Variants in TASOR observed in about 807,000 individuals in gnomAD.
TASOR encodes transcription activation suppressor.
TASOR carries 53 observed loss-of-function variants against 178.6 expected under a neutral mutation model. The ratio of observed to expected loss-of-function variants is 0.30; its 90% CI spans 0.24 to 0.37. The LOEUF (loss-of-function observed/expected upper bound fraction) is 0.37, where lower values mean the gene tolerates loss of function less well. TASOR is among the 10% of genes least tolerant of loss of function. TASOR has a pLI of 1.00. For synonymous variants in TASOR, 713 were observed against 696.2 expected (o/e 1.02, Z -0.38); for missense variants, 1,815 against 1,971.4 (o/e 0.92, Z 1.50).
intron 1 of TASOR, among the ~76,000 whole-genome samples, chr3:56,675,761 CATA>C (rs1322057729): frequency 6.6e-6 from 1 of 152,140 alleles, no homozygotes; most frequent in Non-Finnish European, 1.5e-5. Flanking sequence ...CTACTGAAAA[CATA>C]ATGTTCCACT....
Position 56,683,028 on chromosome 3 carries a change from G to C in TASOR, c.-22C>G. The C allele has an allele frequency of 1.3e-6, 2 of 1,508,436 alleles. No homozygotes were observed. Among genetic ancestry groups the C allele is most frequent in the Non-Finnish European group, 8.9e-7 (1 of 1,126,712 alleles). 93.4% of individuals were successfully genotyped at this position (1,508,436 alleles called of 1,614,324 possible). ...CCATCGCGCCGGCCTAAGGAGCTCT[G>C]GGAAGCTTCTGCCCACAAGGTCGAC... On this transcript the variant is annotated 5_prime_UTR_variant, in exon 1 of 24. Coordinates refer to ENST00000683822, the MANE Select transcript of TASOR (RefSeq NM_001365635.2).
chr3:56,677,423 T>C (rs1193879881), intron 1 of TASOR, among the ~76,000 whole-genome samples: 1 of 152,246 alleles, frequency 6.6e-6, no homozygotes, highest in African/African-American at 2.4e-5. Context: ...GCTTTACATA[T>C]ATCATCTCAA....
chr3:56,663,493 GTACT>G, intron 8 of TASOR, 44 bp downstream of exon 8: 1 of 957,400 alleles, frequency 1.0e-6, no homozygotes, highest in Non-Finnish European at 1.4e-6. Context: ...TTTGCTATAT[GTACT>G]TATTCTTTCC....
chr3:56,625,044 TC>T (rs780245446), intron 21 of TASOR, 38 bp from the exon 22 acceptor site: 2 of 1,576,486 alleles, frequency 1.3e-6, no homozygotes, highest in South Asian at 2.3e-5. Flanking sequence ...GATCTGTACT[TC>T]TAAAATTTAG....
intron 17 of TASOR, among the ~76,000 whole-genome samples, chr3:56,638,411 T>C (rs1300160970): frequency 1.3e-5 from 2 of 152,136 alleles, no homozygotes; most frequent in South Asian, 2.1e-4. Context: ...TAAAATATAC[T>C]GCACAAATGG....
chr3:56,670,436 G>A (rs1215103454), intron 3 of TASOR, among the ~76,000 whole-genome samples: 2 of 151,922 alleles, frequency 1.3e-5, no homozygotes, highest in Non-Finnish European at 2.9e-5. Context: ...GAACTCCTGG[G>A]CTCAAGTGAT....
Position 56,682,842 on chromosome 3 carries a change from A to G in TASOR, c.165T>C (p.Ala55=). The change falls in exon 1 of 24, where the codon GCT becomes GCC. Residue 55 remains alanine, a synonymous_variant. Coordinates refer to ENST00000683822, the MANE Select transcript of TASOR (RefSeq NM_001365635.2). ...GLNIAEPSGG[A]GREENAGAEA... is the part of the protein sequence containing the mutation. Reference sequence around the variant, plus strand: ...CGGCCCCCGCGTTCTCCTCACGCCCAGCGCCGCCGCTGGGCTCAGCGATGT... The same window carrying G: ...CGGCCCCCGCGTTCTCCTCACGCCCGGCGCCGCCGCTGGGCTCAGCGATGT... The G allele has an allele frequency of 6.5e-7, 1 of 1,550,238 alleles. No homozygotes were observed. Among genetic ancestry groups the G allele is most frequent in the Non-Finnish European group, 8.7e-7 (1 of 1,146,506 alleles).
chr3:56,669,756 C>T lies in TASOR; in HGVS notation c.679G>A (p.Ala227Thr), dbSNP rs1204814649. The T allele has an allele frequency of 3.9e-6, 6 of 1,548,940 alleles. No homozygotes were observed. The highest frequency in any genetic ancestry group is 5.2e-6 in the Non-Finnish European group (6 of 1,145,860). Residue 227 changes from alanine (A) to threonine (T), a missense_variant, in exon 5 of 24, where the codon GCG (alanine) becomes ACG (threonine). Ala to Thr is a moderately conservative substitution (Grantham distance 58, BLOSUM62 0). This residue lies in a region of TASOR where 504 missense variants were observed against 645.3 expected (regional missense o/e 0.78). Transcript: ENST00000683822. ...ATTGCCCCCGTGTCCAAAGGATTCG[C>T]TTGTAATAAATCAGCATACCTAGAA... ...YLSRYADLLQANPLDTGAMGD... is the reference protein window; with the variant it reads ...YLSRYADLLQTNPLDTGAMGD...
At chr3:56,673,862 A>G in intron 1 of TASOR, 137 bp from the exon 2 acceptor site, 1 of 720,050 alleles carries the variant, frequency 1.4e-6, no homozygotes. Flanking sequence ...GTGATACGCA[A>G]AAGAGATACT....
chr3:56,629,802 T>A (rs964636634), intron 18 of TASOR, among the ~76,000 whole-genome samples: 1 of 152,150 alleles, frequency 6.6e-6, no homozygotes, highest in Non-Finnish European at 1.5e-5. Context: ...TGACAACCAG[T>A]CTGCTGCTCT....
chr3:56,677,167 G>A (rs578033258), intron 1 of TASOR, among the ~76,000 whole-genome samples: 44 of 152,270 alleles, frequency 2.9e-4, no homozygotes, highest in African/African-American at 9.9e-4. Flanking sequence ...AACACTACAT[G>A]TATCTCGATC....
At chr3:56,662,629 T>C in intron 8 of TASOR, 139 bp from the exon 9 acceptor site, 1 of 515,844 alleles carries the variant, frequency 1.9e-6, no homozygotes, top group Non-Finnish European at 3.5e-6. Context: ...ACAGTGACTC[T>C]TCTACACTTC....
rs775874632 is a variant in TASOR, at chr3:56,640,054, C to T, written c.2696G>A (p.Arg899His). Residue 899 changes from arginine (R) to histidine (H), a missense_variant, in exon 16 of 24, where the codon CGT becomes CAT. Physicochemically the swap from Arg to His is conservative, Grantham distance 29 (BLOSUM62 0). Coordinates refer to ENST00000683822, the MANE Select transcript of TASOR (RefSeq NM_001365635.2). ...CPSVPIEHGFRRQQSKSNNVE... is the reference protein window; with the variant it reads ...CPSVPIEHGFHRQQSKSNNVE... The stretch of plus-strand genomic sequence containing the variant: ...ATTATTTGACTTAGACTGTTGTCTA[C>T]GAAATCCATGTTCAATGGGAACACT... 171 of 1,612,558 alleles carry T rather than the reference C, an allele frequency of 1.1e-4. No individual in the cohort carries two copies. The highest frequency in any genetic ancestry group is 1.9e-5 in the Non-Finnish European group (22 of 1,179,044).
chr3:56,682,315 C>G, intron 1 of TASOR, among the ~76,000 whole-genome samples: 1 of 147,156 alleles, frequency 6.8e-6, no homozygotes, highest in Non-Finnish European at 1.5e-5. Flanking sequence ...GGGCTATTTC[C>G]ATAGCGAGAC....
intron 17 of TASOR, among the ~76,000 whole-genome samples, chr3:56,636,341 GTGAT>G (rs2077015676): frequency 6.6e-6 from 1 of 151,714 alleles, no homozygotes; most frequent in African/African-American, 2.4e-5. Flanking sequence ...TCATCTATAA[GTGAT>G]TGAAAACACA....
At chr3:56,637,555 T>C (rs1382279230) in intron 17 of TASOR, among the ~76,000 whole-genome samples, 2 of 149,802 alleles carry the variant, frequency 1.3e-5, no homozygotes. Flanking sequence ...TGAACTTTCC[T>C]CTATGTTATA....
intron 19 of TASOR, 68 bp downstream of exon 19, chr3:56,628,424 C>A: frequency 6.5e-6 from 9 of 1,377,956 alleles, no homozygotes; most frequent in Admixed American, 6.1e-5. Flanking sequence ...ACTAGTCTGG[C>A]AGACAGTAAG....
At chr3:56,672,951 G>C (rs2030880675) in intron 2 of TASOR, among the ~76,000 whole-genome samples, 1 of 152,126 alleles carries the variant, frequency 6.6e-6, no homozygotes. Flanking sequence ...CTCCCAAGAA[G>C]CTGGGATTAC....
chr3:56,679,694 C>T (rs914155394), intron 1 of TASOR, among the ~76,000 whole-genome samples: 3 of 152,184 alleles, frequency 2.0e-5, no homozygotes, highest in African/African-American at 2.4e-5. Context: ...GAAAGTGAAT[C>T]ATCGCTACTC....
Sources: allele counts gnomAD v4.1 joint callset (sites outside exome capture counted in the v4.1 genomes callset), GRCh38; gene constraint gnomAD v4.1.1; regional missense constraint gnomAD v4.1.1; transcripts MANE v1.5; gene names NCBI Gene and HGNC (gene_info 2026-07-23, HGNC 2026-07-21).